TSN: variants seen among roughly 807,000 people sequenced by gnomAD.
The protein encoded by TSN is component 3 of promoter of RISC.
TSN carries 5 observed loss-of-function variants against 29.4 expected under a neutral mutation model. That is an observed-to-expected ratio of 0.17 (90% CI 0.09 to 0.36). The LOEUF (loss-of-function observed/expected upper bound fraction) is 0.36, where lower values mean the gene tolerates loss of function less well. TSN is among the 10% of genes least tolerant of loss of function. The pLI, the probability that TSN is intolerant of heterozygous loss-of-function variation, is 1.00. For missense variants in TSN, 159 were observed against 272.8 expected (o/e 0.58, Z 2.94); for synonymous variants, 106 against 102.2 (o/e 1.04, Z -0.23).
chr2:121,756,053 C>G (rs1210992481), intron 1 of TSN: 2 of 1,066,654 alleles, frequency 1.9e-6, no homozygotes, highest in Non-Finnish European at 2.6e-6. Context: ...CTCAGCTTCT[C>G]AGCATCACTT....
chr2:121,759,061 C>T (rs1190763933), intron 3 of TSN, among the ~76,000 whole-genome samples: 1 of 151,984 alleles, frequency 6.6e-6, no homozygotes, highest in Non-Finnish European at 1.5e-5. Context: ...GTATGAGGGT[C>T]AAAAGTGAGA....
chr2:121,761,591 G>A, intron 4 of TSN, 67 bp downstream of exon 4: 1 of 1,234,816 alleles, frequency 8.1e-7, no homozygotes, highest in Non-Finnish European at 1.2e-6. Flanking sequence ...TGGAAAGGGT[G>A]GTTGTACTTT....
At chr2:121,764,537 T>G (rs111314850) in intron 5 of TSN, among the ~76,000 whole-genome samples, 1,778 of 152,128 alleles carry the variant, frequency 0.012, 38 homozygotes, top group African/African-American at 0.04. Context: ...GAAAGGGGAA[T>G]CTTTTTTATT....
chr2:121,765,216 C>T lies in TSN; in HGVS notation c.536C>T (p.Ser179Phe). 6.2e-7 allele frequency: 1 copy of T among 1,614,236 alleles called. No homozygotes were observed. The highest frequency in any genetic ancestry group is 8.5e-7 in the Non-Finnish European group (1 of 1,180,040). Residue 179 changes from serine (S) to phenylalanine (F), a missense_variant, in exon 6 of 6, where the codon TCC becomes TTC. By Grantham distance (155) the Ser-to-Phe change is radical. This residue lies in a region of TSN where 85 missense variants were observed against 178.1 expected (regional missense o/e 0.48). Coordinates refer to ENST00000389682, the MANE Select transcript of TSN (RefSeq NM_004622.3). ...HISTFINELDSGFRLLNLKND... is the reference protein window; with the variant it reads ...HISTFINELDFGFRLLNLKND... ...TCCACCTTCATCAATGAGCTGGATT[C>T]CGGTTTTCGCCTTCTCAACCTGAAA...
chr2:121,764,450 C>T (rs1019900918), intron 5 of TSN, among the ~76,000 whole-genome samples: 1 of 151,760 alleles, frequency 6.6e-6, no homozygotes, highest in African/African-American at 2.4e-5. Flanking sequence ...ATATTAAAAA[C>T]AAACAAACAA....
At chr2:121,755,866 A>G (rs370660527) in intron 1 of TSN, 21 bp downstream of exon 1, 2 of 1,612,442 alleles carry the variant, frequency 1.2e-6, no homozygotes, top group Non-Finnish European at 1.7e-6. Flanking sequence ...TCCCTTCCCC[A>G]TTCCCTTTGC....
At chr2:121,759,722 A>G (rs927950138) in intron 3 of TSN, among the ~76,000 whole-genome samples, 1 of 152,172 alleles carries the variant, frequency 6.6e-6, no homozygotes, top group Non-Finnish European at 1.5e-5. Context: ...TAATTTTCTT[A>G]CTGAAAAAGA....
At position 121,765,240 on chromosome 2, in the gene TSN, A is replaced by G; in HGVS notation, c.560A>G (p.Lys187Arg). ...TCCGGTTTTCGCCTTCTCAACCTGA[A>G]AAATGACTCCCTGAGGAAGCGCTAC... ...LDSGFRLLNL[K>R]NDSLRKRYDG... Residue 187 changes from lysine (K) to arginine (R), a missense_variant, in exon 6 of 6, where the codon AAA becomes AGA. Coordinates refer to ENST00000389682, the MANE Select transcript of TSN (RefSeq NM_004622.3). 1.9e-6 allele frequency: 3 copies of G among 1,614,204 alleles called. No individual in the cohort carries two copies. The highest frequency in any genetic ancestry group is 2.5e-6 in the Non-Finnish European group (3 of 1,180,044).
chr2:121,758,244 T>A (rs550047815), intron 2 of TSN, among the ~76,000 whole-genome samples: 2 of 152,300 alleles, frequency 1.3e-5, no homozygotes, highest in South Asian at 4.1e-4. Flanking sequence ...GAAGTATATT[T>A]TCAGATACAA....
rs2074896067 is a variant in TSN at position 121,765,992 on chromosome 2, T to A, written c.*625T>A. 1 of 152,442 alleles carries A rather than the reference T, an allele frequency of 6.6e-6. No homozygotes were observed. The highest frequency in any genetic ancestry group is 6.5e-5 in the Admixed American group (1 of 15,288). The allele number at this position is 152,442 out of a possible 1,614,324, so 9.4% of individuals were successfully genotyped here. ...AACAGATTATTTTGGAAAGTTTTTG[T>A]ATTAAGGGATTTAGTAACATCATTT... On this transcript the variant is annotated 3_prime_UTR_variant, in exon 6 of 6. Transcript: ENST00000389682.
At position 121,755,667 on chromosome 2, in the gene TSN, C is replaced by CG; in HGVS notation, c.-107dup. ...CCTAGCGACGGTCGTGGCGTAAGACCGGGGGGACGCGGCGGTAGCGGCGGC... is the reference window on the plus strand; with the variant it reads ...CCTAGCGACGGTCGTGGCGTAAGACCGGGGGGGACGCGGCGGTAGCGGCGGC... On this transcript the variant is annotated 5_prime_UTR_variant, in exon 1 of 6. Transcript: ENST00000389682. 2.1e-6 allele frequency: 3 copies of CG among 1,430,410 alleles called. No individual in the cohort carries two copies. Among genetic ancestry groups the CG allele is most frequent in the Non-Finnish European group, 2.9e-6 (3 of 1,035,622 alleles). The allele number at this position is 1,430,410 out of a possible 1,614,324, so 88.6% of individuals were successfully genotyped here.
intron 1 of TSN, 65 bp downstream of exon 1, chr2:121,755,910 C>G: frequency 6.2e-7 from 1 of 1,607,306 alleles, no homozygotes; most frequent in Non-Finnish European, 8.5e-7. Flanking sequence ...TTCGCCCGGC[C>G]CTCCTCTGTC....
chr2:121,758,961 G>A (rs1041156726), intron 3 of TSN, among the ~76,000 whole-genome samples, 155 bp downstream of exon 3: 1 of 152,138 alleles, frequency 6.6e-6, no homozygotes, highest in Non-Finnish European at 1.5e-5. Context: ...ACAAAAATTG[G>A]TGATTTTATT....
At chr2:121,756,104 T>C (rs2074743182) in intron 1 of TSN, 1 of 664,868 alleles carries the variant, frequency 1.5e-6, no homozygotes, top group African/African-American at 1.8e-5. Flanking sequence ...AGCACTTGTT[T>C]ATATCGAAGG....
At chr2:121,757,530 G>T in intron 2 of TSN, 197 bp downstream of exon 2, 3 of 1,063,408 alleles carry the variant, frequency 2.8e-6, no homozygotes, top group Non-Finnish European at 4.0e-6. Flanking sequence ...GTTTTCTATT[G>T]CGAGGGCATT....
At chr2:121,762,260 G>T (rs1239992374) in intron 4 of TSN, among the ~76,000 whole-genome samples, 1 of 152,156 alleles carries the variant, frequency 6.6e-6, no homozygotes, top group Non-Finnish European at 1.5e-5. Context: ...CCAAAGTGCT[G>T]GGATTACAGG....
At chr2:121,755,898 AC>A in intron 1 of TSN, 53 bp downstream of exon 1, 1 of 1,610,108 alleles carries the variant, frequency 6.2e-7, no homozygotes, top group Non-Finnish European at 8.5e-7. Context: ...TAGTTGGGCC[AC>A]TTCGCCCGGC....
At chr2:121,763,463 T>A (rs1321085387) in intron 5 of TSN, among the ~76,000 whole-genome samples, 1 of 152,076 alleles carries the variant, frequency 6.6e-6, no homozygotes, top group Non-Finnish European at 1.5e-5. Context: ...GTTTTTAAAA[T>A]GGGTACCAAA....
At chr2:121,763,364 C>A (rs2074858237) in intron 5 of TSN, among the ~76,000 whole-genome samples, 1 of 152,102 alleles carries the variant, frequency 6.6e-6, no homozygotes, top group African/African-American at 2.4e-5. Flanking sequence ...CCAGGATGGT[C>A]TCGATCTCCT....
Sources: allele counts gnomAD v4.1 joint callset (sites outside exome capture counted in the v4.1 genomes callset), GRCh38; gene constraint gnomAD v4.1.1; regional missense constraint gnomAD v4.1.1; transcripts MANE v1.5; gene names NCBI Gene and HGNC (gene_info 2026-07-23, HGNC 2026-07-21).